SLC5A9: variants seen among roughly 807,000 people sequenced by gnomAD.
The protein encoded by SLC5A9 is solute carrier family 5 member 9, also known as sodium/glucose cotransporter 4.
In SLC5A9, 59 loss-of-function variants were observed where a neutral mutation model predicts 70.9. The observed-to-expected ratio is 0.83, with a 90% CI of 0.68 to 1.03. SLC5A9 has a LOEUF of 1.03. Among genes scored for constraint, SLC5A9 ranks in the 50% least tolerant of loss-of-function variants. The pLI is 0.00. For missense variants in SLC5A9, 832 were observed against 881.1 expected, an observed-to-expected ratio of 0.94 and a Z score of 0.71; for synonymous variants, 340 against 346.5, an observed-to-expected ratio of 0.98 and a Z score of 0.21.
Position 48,231,550 on chromosome 1 carries a change from C to T in SLC5A9, c.616C>T (p.Leu206Phe), listed in dbSNP as rs1389261401. 6.4e-7 allele frequency: 1 copy of T among 1,557,356 alleles called. No homozygotes were observed. The highest frequency in any genetic ancestry group is 1.7e-5 in the African/African-American group (1 of 60,240). Residue 206 changes from leucine to phenylalanine, a missense_variant, in exon 6 of 14, where the codon CTC becomes TTC. Coordinates refer to ENST00000438567, the MANE Select transcript of SLC5A9 (RefSeq NM_001011547.3). Reference sequence around the variant, plus strand: ...CCCTCTCCTTGGGTCCCCAGGTGGCCTCATGGCCGTGATCTACACAGATGC... The same window carrying T: ...CCCTCTCCTTGGGTCCCCAGGTGGCTTCATGGCCGTGATCTACACAGATGC... ...VTAVYTIAGG[L>F]MAVIYTDALQ...
chr1:48,231,844 T>G, intron 6 of SLC5A9, 102 bp from the exon 7 acceptor site: 1 of 1,570,158 alleles, frequency 6.4e-7, no homozygotes, highest in Non-Finnish European at 8.6e-7. Flanking sequence ...CCAATCCCCA[T>G]GCCAGTTCCA....
Position 48,247,698 on chromosome 1 carries a change from C to T in SLC5A9, c.*155C>T. On this transcript the variant is annotated 3_prime_UTR_variant, in exon 14 of 14. Coordinates refer to ENST00000438567, the MANE Select transcript of SLC5A9 (RefSeq NM_001011547.3). ...AAGAGAATCCAACTCAACCTGCACA[C>T]TTGACAAGTGGAGAAACAGAAGCCC... The T allele has an allele frequency of 1.4e-6, 1 of 705,836 alleles. No individual in the cohort carries two copies. The highest frequency in any genetic ancestry group is 1.8e-5 in the South Asian group (1 of 54,830). 43.7% of individuals were successfully genotyped at this position (705,836 alleles called of 1,614,324 possible).
rs202036262 is a variant in SLC5A9 at position 48,232,003 on chromosome 1, C to G, written c.749C>G (p.Pro250Arg). Reference sequence around the variant, plus strand: ...GAGCAGCGGTACAGGCAGGCCATCCCTAATGTCACAGTCCCCAACACCACC... The same window carrying G: ...GAGCAGCGGTACAGGCAGGCCATCCGTAATGTCACAGTCCCCAACACCACC... ...GLEQRYRQAIPNVTVPNTTCH... is the reference protein window; with the variant it reads ...GLEQRYRQAIRNVTVPNTTCH... Residue 250 changes from proline (P) to arginine (R), a missense_variant, in exon 7 of 14, where the codon CCT becomes CGT. By Grantham distance (103) the Pro-to-Arg change is moderately radical. Coordinates refer to ENST00000438567, the MANE Select transcript of SLC5A9 (RefSeq NM_001011547.3). The G allele has an allele frequency of 9.3e-6, 15 of 1,614,196 alleles. No homozygotes were observed. In the East Asian group the frequency reaches 3.3e-4, roughly 36 times the overall value.
chr1:48,244,909 T>TATATATATATATATATATATATA, intron 13 of SLC5A9, among the ~76,000 whole-genome samples: 1 of 114,536 alleles, frequency 8.7e-6, no homozygotes, highest in Admixed American at 1.1e-4. Context: ...TATATATATA[T>TATATATATATATATATATATATA]AAAACCTCTG....
Position 48,236,474 on chromosome 1 carries a change from T to C in SLC5A9, c.1292+595T>C, listed in dbSNP as rs76481479. ...GAGCCTTGGACACCAAGCTAAGGAA[T>C]TCGAACTTTATCTTGTGGGTAACAG... On this transcript the variant is annotated intron_variant, in intron 10 of 13. Transcript: ENST00000438567. Among the ~76,000 whole-genome samples, 2,902 of 152,322 alleles carry C rather than the reference T, an allele frequency of 0.019. 130 individuals are homozygous for C. The East Asian group carries it at 0.2, about 10-fold the overall frequency.
In SLC5A9 at chr1:48,239,753, G is replaced by A. The variant is rs1385500326; in HGVS notation, c.1677+216G>A. ...TCAGTGAGTACTTACTATGTGCTAGGCACTGTGCTGGGCTTACAAAGATGA... is the reference window on the plus strand; with the variant it reads ...TCAGTGAGTACTTACTATGTGCTAGACACTGTGCTGGGCTTACAAAGATGA... On this transcript the variant is annotated intron_variant, in intron 12 of 13. Coordinates refer to ENST00000438567, the MANE Select transcript of SLC5A9 (RefSeq NM_001011547.3). This position sits in a 1 kb window ranked among gnomAD's most constrained non-coding sequence, Gnocchi z 4.2. Among the ~76,000 whole-genome samples, 1 of 152,222 alleles carries A rather than the reference G, an allele frequency of 6.6e-6. No homozygotes were observed. The highest frequency in any genetic ancestry group is 1.5e-5 in the Non-Finnish European group (1 of 68,038).
intron 8 of SLC5A9, among the ~76,000 whole-genome samples, chr1:48,233,360 C>CAAAAAA (rs1157245912): frequency 1.7e-5 from 1 of 58,714 alleles, no homozygotes; most frequent in African/African-American, 7.4e-5. Context: ...GACTCCATCT[C>CAAAAAA]AAAAAAAAAA....
Position 48,247,627 on chromosome 1 carries a change from C to A in SLC5A9, c.*84C>A. ...AGAAACAGGCTCTCCTCTTACTTTG[C>A]TGTCTAAACTGGAGATCACAGAAGT... On this transcript the variant is annotated 3_prime_UTR_variant, in exon 14 of 14. Coordinates refer to ENST00000438567, the MANE Select transcript of SLC5A9 (RefSeq NM_001011547.3). 1 of 1,375,210 alleles carries A rather than the reference C, an allele frequency of 7.3e-7. No individual in the cohort carries two copies. The highest frequency in any genetic ancestry group is 1.7e-5 in the Admixed American group (1 of 58,446). The allele number at this position is 1,375,210 out of a possible 1,614,324, so 85.2% of individuals were successfully genotyped here. A position where few individuals can be genotyped will look rare whatever the true frequency, so the allele number is the denominator to read the frequency against.
In SLC5A9 at chr1:48,233,380, AAAAAAAGAT is replaced by A. The variant is rs1202401480; in HGVS notation, c.1034-273_1034-265del. Among the ~76,000 whole-genome samples the A allele has an allele frequency of 0.012, 1,734 of 149,608 alleles. 86 individuals carry two copies. In the East Asian group the frequency reaches 0.14, roughly 12 times the overall value. On this transcript the variant is annotated intron_variant, in intron 8 of 13. Coordinates refer to ENST00000438567, the MANE Select transcript of SLC5A9 (RefSeq NM_001011547.3). Reference sequence around the variant, plus strand: ...CATCTCAAAAAAAAAAAAAAAAAAAAAAAAAAGATAGAAAAGAACACATAATAAGCAGTT... The same window carrying A: ...CATCTCAAAAAAAAAAAAAAAAAAAAAGAAAAGAACACATAATAAGCAGTT...
In SLC5A9 at chr1:48,239,490, G is replaced by C; in HGVS notation, c.1630G>C (p.Val544Leu). The change falls in exon 12 of 14, where the codon GTC (valine) becomes CTC (leucine). Residue 544 changes from valine (V) to leucine (L), a missense_variant. Transcript: ENST00000438567. The surrounding 1 kb of genome is among the most constrained non-coding windows in gnomAD (Gnocchi z 4.2). ...AILLCGLTAI[V>L]IVIVSLCTTP... is the part of the protein sequence containing the mutation. Reference sequence around the variant, plus strand: ...CCTCCTCTGCGGGCTCACTGCCATCGTCATTGTCATTGTCAGCCTCTGTAC... The same window carrying C: ...CCTCCTCTGCGGGCTCACTGCCATCCTCATTGTCATTGTCAGCCTCTGTAC... 1 of 1,614,144 alleles carries C rather than the reference G, an allele frequency of 6.2e-7. No homozygotes were observed. Among genetic ancestry groups the C allele is most frequent in the Non-Finnish European group, 8.5e-7 (1 of 1,180,022 alleles).
At position 48,224,723 on chromosome 1, in the gene SLC5A9, G is replaced by A. The variant is rs1341486314; in HGVS notation, c.163-1G>A. On this transcript the variant is annotated splice_acceptor_variant, in intron 1 of 13. Coordinates refer to ENST00000438567, the MANE Select transcript of SLC5A9 (RefSeq NM_001011547.3). LOFTEE classifies it high-confidence loss of function. ...CCTCATCTCATCTATTTCCTTTCCA[G>A]TCGTCCATCCGTGCAAGTCGAGGGA... 1.2e-6 allele frequency: 2 copies of A among 1,614,026 alleles called. No homozygotes were observed. Among genetic ancestry groups the A allele is most frequent in the South Asian group, 1.1e-5 (1 of 91,068 alleles).
In SLC5A9 at chr1:48,237,793, A is replaced by C. The variant is rs760287742; in HGVS notation, c.1407A>C (p.Pro469=). The C allele has an allele frequency of 1.2e-6, 2 of 1,613,604 alleles. No homozygotes were observed. Among genetic ancestry groups the C allele is most frequent in the Admixed American group, 3.3e-5 (2 of 59,948 alleles). The change falls in exon 11 of 14, where the codon CCA becomes CCC. Residue 469 remains proline, a synonymous_variant. Transcript: ENST00000438567. The stretch of plus-strand genomic sequence containing the variant: ...AGGCTGTCACCAGTTACCTGGCCCC[A>C]CCCATCACCGCTCTCTTCCTGCTGG... ...YIQAVTSYLA[P]PITALFLLAI...
intron 11 of SLC5A9, chr1:48,238,429 GCCACTGA>G: frequency 6.6e-6 from 1 of 152,442 alleles, no homozygotes. Context: ...TTCATGCAGT[GCCACTGA>G]AACCTGACAG....
At chr1:48,243,162 G>C (rs1644412006) in intron 13 of SLC5A9, among the ~76,000 whole-genome samples, 1 of 151,982 alleles carries the variant, frequency 6.6e-6, no homozygotes. Flanking sequence ...CCTTACCCAT[G>C]TCCCCCCCAC....
intron 3 of SLC5A9, 52 bp downstream of exon 3, chr1:48,229,006 T>C (rs1014794063): frequency 6.2e-7 from 1 of 1,613,330 alleles, no homozygotes; most frequent in African/African-American, 1.3e-5. Flanking sequence ...AACCCACCTC[T>C]GTCTCTGGCA....
chr1:48,237,668 C>G lies in SLC5A9; in HGVS notation c.1293-11C>G. The stretch of plus-strand genomic sequence containing the variant: ...CGAGTGTGCCTCAGTGCCCTGTGCT[C>G]TCTCTGGCAGAGTGTTTGTGGTGTT... On this transcript the variant is annotated splice_polypyrimidine_tract_variant and intron_variant, in intron 10 of 13. Coordinates refer to ENST00000438567, the MANE Select transcript of SLC5A9 (RefSeq NM_001011547.3). 1.2e-6 allele frequency: 2 copies of G among 1,613,602 alleles called. No individual in the cohort carries two copies. Among genetic ancestry groups the G allele is most frequent in the Non-Finnish European group, 1.7e-6 (2 of 1,179,716 alleles).
chr1:48,230,793 G>A, intron 5 of SLC5A9, 88 bp downstream of exon 5: 1 of 945,236 alleles, frequency 1.1e-6, no homozygotes, highest in Non-Finnish European at 1.6e-6. Flanking sequence ...CAGAGAGAGA[G>A]ACAGAGTGAC....
chr1:48,229,362 C>A lies in SLC5A9; in HGVS notation c.407C>A (p.Thr136Lys), dbSNP rs770058511. 6.2e-7 allele frequency: 1 copy of A among 1,614,160 alleles called. No homozygotes were observed. Among genetic ancestry groups the A allele is most frequent in the South Asian group, 1.1e-5 (1 of 91,076 alleles). Residue 136 changes from threonine to lysine, a missense_variant, in exon 4 of 14, where the codon ACA (threonine) becomes AAA (lysine). Thr to Lys is a moderately conservative substitution (Grantham distance 78). Transcript: ENST00000438567. ...GTGTACATCGCAGCAGGTGTGGTCACAATGCCGCAGTATCTGAAGAAGCGA... is the reference window on the plus strand; with the variant it reads ...GTGTACATCGCAGCAGGTGTGGTCAAAATGCCGCAGTATCTGAAGAAGCGA... Reference protein sequence around the residue: ...VPVYIAAGVVTMPQYLKKRFG... With the variant: ...VPVYIAAGVVKMPQYLKKRFG...
At chr1:48,232,854 G>A (rs1403552129) in intron 8 of SLC5A9, among the ~76,000 whole-genome samples, 2 of 145,780 alleles carry the variant, frequency 1.4e-5, no homozygotes, top group African/African-American at 5.1e-5. Flanking sequence ...GAAGGAAGGG[G>A]AAAGGAAGAA....
Sources: allele counts gnomAD v4.1 joint callset (sites outside exome capture counted in the v4.1 genomes callset), GRCh38; gene constraint gnomAD v4.1.1; non-coding constraint Gnocchi (gnomAD v3.1); transcripts MANE v1.5; gene names NCBI Gene and HGNC (gene_info 2026-07-23, HGNC 2026-07-21).